The following CCBE1 variants were observed in gnomAD, a reference collection of about 807,000 sequenced individuals.
CCBE1 encodes collagen and calcium binding EGF domains 1, also known as collagen and calcium-binding EGF domain-containing protein 1.
A neutral mutation model predicts 50.0 loss-of-function variants in CCBE1; 37 were observed. That is an observed-to-expected ratio of 0.74 (90% confidence interval 0.57 to 0.97). The LOEUF is 0.97. CCBE1 is among the 50% of genes least tolerant of loss of function. The pLI, the probability that CCBE1 is intolerant of heterozygous loss-of-function variation, is 0.00. For missense variants in CCBE1, 538 were observed against 523.8 expected (o/e 1.03, Z -0.26); for synonymous variants, 234 against 203.7 (o/e 1.15, Z -1.27).
At chr18:59,456,246 A>G (rs890633028) in intron 5 of CCBE1, among the ~76,000 whole-genome samples, 6 of 152,200 alleles carry the variant, frequency 3.9e-5, no homozygotes, top group African/African-American at 1.4e-4. Flanking sequence ...TATCTCACGT[A>G]ATGGATGCTC....
At chr18:59,503,253 C>T (rs957037506) in intron 2 of CCBE1, among the ~76,000 whole-genome samples, 4 of 152,192 alleles carry the variant, frequency 2.6e-5, no homozygotes, top group African/African-American at 7.2e-5. Flanking sequence ...GGGACAGTTC[C>T]GCTGGACATC....
intron 2 of CCBE1, among the ~76,000 whole-genome samples, chr18:59,633,283 C>T (rs773889224): frequency 3.9e-5 from 6 of 152,170 alleles, no homozygotes; most frequent in African/African-American, 9.7e-5. Context: ...GCTAAGCTCG[C>T]GACGAATTAC....
At chr18:59,511,227 C>G (rs1265188597) in intron 2 of CCBE1, among the ~76,000 whole-genome samples, 1 of 152,214 alleles carries the variant, frequency 6.6e-6, no homozygotes, top group Non-Finnish European at 1.5e-5. Context: ...AAAACACATT[C>G]CAACTTCAGA....
In CCBE1 at chr18:59,435,132, G is replaced by T. The variant is rs935765549; in HGVS notation, c.*776C>A. 2 of 152,158 alleles carry T rather than the reference G, an allele frequency of 1.3e-5. No individual in the cohort carries two copies. Among genetic ancestry groups the T allele is most frequent in the African/African-American group, 2.4e-5 (1 of 41,420 alleles). 9.4% of individuals were successfully genotyped at this position (152,158 alleles called of 1,614,324 possible). ...GCCCATTGTTTTAATGTGAATCCAG[G>T]CATTTCACTTTGTTTTTTTGAAAAG... On this transcript the variant is annotated 3_prime_UTR_variant, in exon 11 of 11. Transcript: ENST00000439986.
At chr18:59,619,186 T>G (rs545974742) in intron 2 of CCBE1, among the ~76,000 whole-genome samples, 20 of 152,252 alleles carry the variant, frequency 1.3e-4, no homozygotes, top group Non-Finnish European at 1.2e-4. Flanking sequence ...TTTACTTGAA[T>G]GCTAAAATAA....
intron 2 of CCBE1, among the ~76,000 whole-genome samples, chr18:59,680,698 CA>C (rs142799321): frequency 1.4e-4 from 20 of 143,822 alleles, no homozygotes; most frequent in African/African-American, 3.1e-4. Context: ...GACTCCATCT[CA>C]AAAAAAAAAG....
In CCBE1 at chr18:59,679,657, A is replaced by C. The variant is rs182867931; in HGVS notation, c.212+16972T>G. 2.6e-5 allele frequency among the ~76,000 whole-genome samples: 4 copies of C among 152,160 alleles called. No individual in the cohort carries two copies. The East Asian group carries it at 5.8e-4, about 22-fold the overall frequency. On this transcript the variant is annotated intron_variant, in intron 2 of 10. Coordinates refer to ENST00000439986, the MANE Select transcript of CCBE1 (RefSeq NM_133459.4). ...AAACTTGAATCTTTTAATGATGATA[A>C]TGCTGTGGGTCCCCAAAATCTAAGA...
At chr18:59,444,419 A>T (rs1448485251) in intron 7 of CCBE1, among the ~76,000 whole-genome samples, 4 of 151,858 alleles carry the variant, frequency 2.6e-5, no homozygotes, top group Non-Finnish European at 5.9e-5. Context: ...TTTTTTGAGG[A>T]ATCTCCACAC....
chr18:59,554,066 G>T (rs1043760789), intron 2 of CCBE1, among the ~76,000 whole-genome samples: 1 of 152,144 alleles, frequency 6.6e-6, no homozygotes, highest in Non-Finnish European at 1.5e-5. Context: ...GCAGTGGTGC[G>T]ATCACAACTC....
At position 59,547,072 on chromosome 18, in the gene CCBE1, GGGGAGAGAAA is replaced by G. The variant is rs796214522; in HGVS notation, c.213-66844_213-66835del. Among the ~76,000 whole-genome samples the G allele has an allele frequency of 1.9e-3, 116 of 61,730 alleles. 9 individuals carry two copies. Among genetic ancestry groups the G allele is most frequent in the African/African-American group, 8.5e-3 (92 of 10,854 alleles). 40.5% of individuals were successfully genotyped at this position (61,730 alleles called of 152,430 possible). On this transcript the variant is annotated intron_variant, in intron 2 of 10. Coordinates refer to ENST00000439986, the MANE Select transcript of CCBE1 (RefSeq NM_133459.4). ...GAGAGGGGGAGAGAGGGGGAGAGAG[GGGGAGAGAAA>G]GGGAGAGAGAGGGAGGTAGGGAGAG... is the stretch of plus-strand genomic sequence containing the variant.
chr18:59,599,589 C>T (rs2053403756), intron 2 of CCBE1, among the ~76,000 whole-genome samples: 1 of 152,158 alleles, frequency 6.6e-6, no homozygotes, highest in South Asian at 2.1e-4. Flanking sequence ...ATTTTCTTAT[C>T]ACTTATGGTA....
chr18:59,677,487 G>T (rs2054521668), intron 2 of CCBE1, among the ~76,000 whole-genome samples: 1 of 152,072 alleles, frequency 6.6e-6, no homozygotes, highest in Non-Finnish European at 1.5e-5. Context: ...AATTGCTGAG[G>T]CTCAAAAGAT....
chr18:59,657,842 G>T (rs927792633), intron 2 of CCBE1, among the ~76,000 whole-genome samples: 2 of 152,156 alleles, frequency 1.3e-5, no homozygotes, highest in African/African-American at 4.8e-5. Context: ...AGTGAGCCCA[G>T]ATTGTGCCAC....
intron 2 of CCBE1, among the ~76,000 whole-genome samples, chr18:59,491,023 G>A (rs373165824): frequency 9.7e-4 from 148 of 152,274 alleles, no homozygotes; most frequent in African/African-American, 3.3e-3. Flanking sequence ...GGTTCACTGC[G>A]AACAGTAACA....
At chr18:59,475,597 C>G (rs1260482134) in intron 3 of CCBE1, among the ~76,000 whole-genome samples, 1 of 152,208 alleles carries the variant, frequency 6.6e-6, no homozygotes, top group Non-Finnish European at 1.5e-5. Context: ...AGAGTTGATA[C>G]AAATGCTACC....
chr18:59,614,832 T>C (rs573949021), intron 2 of CCBE1, among the ~76,000 whole-genome samples: 211 of 152,366 alleles, frequency 1.4e-3, no homozygotes, highest in African/African-American at 4.9e-3. Flanking sequence ...CCAACCTACA[T>C]ACGTCTGTTT....
intron 2 of CCBE1, among the ~76,000 whole-genome samples, chr18:59,678,834 A>G (rs2054545566): frequency 6.6e-6 from 1 of 152,208 alleles, no homozygotes; most frequent in Non-Finnish European, 1.5e-5. Context: ...CACCAGGCCC[A>G]CATTTTTATA....
chr18:59,680,114 G>A (rs1345470032), intron 2 of CCBE1, among the ~76,000 whole-genome samples: 2 of 152,004 alleles, frequency 1.3e-5, no homozygotes, highest in African/African-American at 4.8e-5. Context: ...CCAGCTACTC[G>A]GGAGACTGAA....
At chr18:59,614,157 C>T (rs1369285869) in intron 2 of CCBE1, among the ~76,000 whole-genome samples, 3 of 152,062 alleles carry the variant, frequency 2.0e-5, no homozygotes, top group Non-Finnish European at 4.4e-5. Context: ...AGCCACACAC[C>T]GCCATGCCCC....
Sources: gnomAD v4.1 joint callset for allele counts (sites outside exome capture counted in the v4.1 genomes callset) on GRCh38, gnomAD v4.1.1 for gene constraint, MANE v1.5 for transcripts, NCBI Gene and HGNC (gene_info 2026-07-23, HGNC 2026-07-21) for gene names.